The following BIRC2 variants were observed in gnomAD, a reference collection of about 807,000 sequenced individuals.
BIRC2 encodes baculoviral IAP repeat-containing protein 2.
In BIRC2, 18 loss-of-function variants were observed where a neutral mutation model predicts 60.9. The ratio of observed to expected loss-of-function variants is 0.30; its 90% CI spans 0.20 to 0.44. The LOEUF is 0.44. Among genes scored for constraint, BIRC2 ranks in the 20% least tolerant of loss-of-function variants. The probability of loss-of-function intolerance (pLI) is 1.00; values close to 1 mark genes in which losing one functional copy is unlikely to be tolerated. For missense variants in BIRC2, 701 were observed against 728.5 expected (o/e 0.96, Z 0.43); for synonymous variants, 282 against 247.7 (o/e 1.14, Z -1.30).
rs1422768284 is a variant in BIRC2 at position 102,363,873 on chromosome 11, A to G, written c.1123+157A>G. Among the ~76,000 whole-genome samples, 12 of 152,018 alleles carry G rather than the reference A, an allele frequency of 7.9e-5. No individual in the cohort carries two copies. In the South Asian group the frequency reaches 1.7e-3, roughly 21 times the overall value. On this transcript the variant is annotated intron_variant, in intron 5 of 8. Coordinates refer to ENST00000227758, the MANE Select transcript of BIRC2 (RefSeq NM_001166.5). ...GGAGTTCGAGACCAGCCTGGCCAAC[A>G]TAGTAAAACTCCATCTACTAAAAAT...
At chr11:102,351,025 T>G in intron 3 of BIRC2, 82 bp downstream of exon 3, 1 of 1,286,436 alleles carries the variant, frequency 7.8e-7, no homozygotes, top group Non-Finnish European at 1.1e-6. Flanking sequence ...TTGTTTACCT[T>G]TAAATTATAA....
chr11:102,359,673 G>A (rs1190211199), intron 3 of BIRC2, among the ~76,000 whole-genome samples: 1 of 152,142 alleles, frequency 6.6e-6, no homozygotes, highest in East Asian at 1.9e-4. Flanking sequence ...CTCTCTCCTG[G>A]CCTACAAGGT....
intron 3 of BIRC2, among the ~76,000 whole-genome samples, chr11:102,351,614 C>CAAAA (rs768269523): frequency 5.4e-4 from 37 of 68,542 alleles, no homozygotes; most frequent in South Asian, 2.2e-3. Flanking sequence ...GACTCTGTCT[C>CAAAA]AAAAAAAAAA....
intron 6 of BIRC2, among the ~76,000 whole-genome samples, chr11:102,372,909 T>TAAAA (rs1428295838): frequency 6.8e-6 from 1 of 147,536 alleles, no homozygotes; most frequent in Non-Finnish European, 1.5e-5. Flanking sequence ...TTGATCCCTT[T>TAAAA]ACCATTATGT....
chr11:102,372,058 TTTC>T (rs1221657655), intron 6 of BIRC2, among the ~76,000 whole-genome samples: 1 of 152,212 alleles, frequency 6.6e-6, no homozygotes, highest in African/African-American at 2.4e-5. Context: ...TCTTCTCTCT[TTTC>T]TTCTTTATTA....
intron 6 of BIRC2, among the ~76,000 whole-genome samples, chr11:102,373,136 G>A (rs200836806): frequency 0.042 from 6,412 of 150,962 alleles, 187 homozygotes; most frequent in Non-Finnish European, 0.068. Context: ...GCCAGTCTGT[G>A]TCTTTTAATT....
At chr11:102,348,028 C>G (rs1951311862) in intron 1 of BIRC2, among the ~76,000 whole-genome samples, 1 of 152,168 alleles carries the variant, frequency 6.6e-6, no homozygotes. Context: ...GCCACTGTTT[C>G]ACAGGCCACT....
chr11:102,362,334 T>C (rs1285240054), intron 3 of BIRC2, among the ~76,000 whole-genome samples: 1 of 152,206 alleles, frequency 6.6e-6, no homozygotes, highest in East Asian at 1.9e-4. Context: ...ATAGATGGTA[T>C]GTGAACTTCT....
chr11:102,377,415 A>T, intron 6 of BIRC2, 81 bp from the exon 7 acceptor site: 1 of 1,239,798 alleles, frequency 8.1e-7, no homozygotes, highest in Non-Finnish European at 1.1e-6. Context: ...AATTGTTTGT[A>T]GGGTTGGTTA....
intron 3 of BIRC2, among the ~76,000 whole-genome samples, chr11:102,359,301 TG>T (rs1338813020): frequency 6.6e-6 from 1 of 152,214 alleles, no homozygotes; most frequent in Non-Finnish European, 1.5e-5. Context: ...TGTGTATTCA[TG>T]AAAAAATTAT....
rs1228601774 is a variant in BIRC2 at position 102,350,570 on chromosome 11, A to G, written c.716A>G (p.Glu239Gly). The change falls in exon 2 of 9, where the codon GAA becomes GGA. Residue 239 changes from glutamate (E) to glycine (G), a missense_variant. Physicochemically the swap from Glu to Gly is moderately conservative, Grantham distance 98. This residue lies in a region of BIRC2 where 375 missense variants were observed against 365.9 expected (regional missense o/e 1.02). Transcript: ENST00000227758. ...NWEPKDDAMSEHRRHFPNCPF... is the reference protein window; with the variant it reads ...NWEPKDDAMSGHRRHFPNCPF... ...GAACCAAAGGATGATGCTATGTCAG[A>G]ACACCGGAGGCATTTTCCCAACTGT... 6.2e-7 allele frequency: 1 copy of G among 1,614,192 alleles called. No individual in the cohort carries two copies. The highest frequency in any genetic ancestry group is 1.7e-5 in the Admixed American group (1 of 60,020).
Position 102,350,649 on chromosome 11 carries a change from C to G in BIRC2, c.795C>G (p.Ser265Arg). ...TGAGGTTTAGCATTTCAAATCTGAG[C>G]ATGCAGACACATGCAGCTCGAATGA... The part of the protein sequence containing the change: ...ETLRFSISNL[S>R]MQTHAARMRT... Residue 265 changes from serine to arginine, a missense_variant, in exon 2 of 9, where the codon AGC (serine) becomes AGG (arginine). By Grantham distance (110) the Ser-to-Arg change is moderately radical. Transcript: ENST00000227758. 1 of 1,613,932 alleles carries G rather than the reference C, an allele frequency of 6.2e-7. No homozygotes were observed. Among genetic ancestry groups the G allele is most frequent in the Non-Finnish European group, 8.5e-7 (1 of 1,180,032 alleles).
intron 6 of BIRC2, among the ~76,000 whole-genome samples, chr11:102,375,975 TA>T (rs1395901847): frequency 6.0e-5 from 9 of 150,090 alleles, no homozygotes; most frequent in Non-Finnish European, 1.2e-4. Context: ...TTTTTTTTTT[TA>T]AGCATTAGGT....
chr11:102,377,055 C>T (rs1029164094), intron 6 of BIRC2, among the ~76,000 whole-genome samples: 1 of 152,090 alleles, frequency 6.6e-6, no homozygotes, highest in African/African-American at 2.4e-5. Flanking sequence ...TTAGGCCACT[C>T]ATTCTTTTCT....
rs1162470456 is a variant in BIRC2, at chr11:102,378,303, A to G, written c.*120A>G. 4 of 761,402 alleles carry G rather than the reference A, an allele frequency of 5.3e-6. No individual in the cohort carries two copies. Among genetic ancestry groups the G allele is most frequent in the Non-Finnish European group, 8.0e-6 (4 of 501,322 alleles). The allele number at this position is 761,402 out of a possible 1,614,324, so 47.2% of individuals were successfully genotyped here. A position where few individuals can be genotyped will look rare whatever the true frequency, so the allele number is the denominator to read the frequency against. On this transcript the variant is annotated 3_prime_UTR_variant, in exon 9 of 9. Transcript: ENST00000227758. ...TTTCAATTAGTAACATTCATGTTCT[A>G]GTCTGCTTTGGTACTAATAATCTTG...
intron 3 of BIRC2, among the ~76,000 whole-genome samples, chr11:102,360,474 C>T (rs951361703): frequency 7.9e-5 from 12 of 151,500 alleles, no homozygotes; most frequent in African/African-American, 1.5e-4. Flanking sequence ...CTTCAGCTCC[C>T]GAATTTGTTT....
intron 5 of BIRC2, among the ~76,000 whole-genome samples, chr11:102,367,803 C>G (rs917200730): frequency 2.1e-4 from 32 of 152,268 alleles, no homozygotes; most frequent in Admixed American, 7.8e-4. Flanking sequence ...TACTATACTT[C>G]CCATTTTTGT....
At chr11:102,353,280 G>A (rs1041851873) in intron 3 of BIRC2, among the ~76,000 whole-genome samples, 2 of 152,076 alleles carry the variant, frequency 1.3e-5, no homozygotes, top group East Asian at 1.9e-4. Flanking sequence ...AAGATGTAGG[G>A]GCGTGTTTTG....
intron 5 of BIRC2, 24 bp downstream of exon 5, chr11:102,363,740 A>G: frequency 3.2e-6 from 5 of 1,586,096 alleles, no homozygotes; most frequent in Non-Finnish European, 3.5e-6. Flanking sequence ...AATTTTAAGT[A>G]TAGAGTGTAA....
Sources: gnomAD v4.1 joint callset for allele counts (sites outside exome capture counted in the v4.1 genomes callset) on GRCh38, gnomAD v4.1.1 for gene constraint, gnomAD v4.1.1 regional missense constraint, MANE v1.5 for transcripts, NCBI Gene and HGNC (gene_info 2026-07-23, HGNC 2026-07-21) for gene names.